The following PTAFR variants were observed in gnomAD, a reference collection of about 807,000 sequenced individuals.
PTAFR encodes platelet activating factor receptor.
In PTAFR, 8 loss-of-function variants were observed where a neutral mutation model predicts 14.7. The ratio of observed to expected loss-of-function variants is 0.54; its 90% CI spans 0.32 to 0.98. The LOEUF (loss-of-function observed/expected upper bound fraction) is 0.98. Among genes scored for constraint, PTAFR ranks in the 50% least tolerant of loss-of-function variants. The pLI, the probability that PTAFR is intolerant of heterozygous loss-of-function variation, is 0.04. For synonymous variants in PTAFR, 156 were observed against 176.5 expected (o/e 0.88, Z 0.92); for missense variants, 337 against 451.2 (o/e 0.75, Z 2.29).
In PTAFR at chr1:28,149,838, C is replaced by G; in HGVS notation, c.*155G>C. On this transcript the variant is annotated 3_prime_UTR_variant, in exon 2 of 2. Coordinates refer to ENST00000373857, the MANE Select transcript of PTAFR (RefSeq NM_000952.5). ...TTCTGGATTTTCCAACAGCCTGGCT[C>G]TGCCATCATCCCTGCCCAGGTGAGG... 1 of 1,006,464 alleles carries G rather than the reference C, an allele frequency of 9.9e-7. No homozygotes were observed. 62.3% of individuals were successfully genotyped at this position (1,006,464 alleles called of 1,614,324 possible).
chr1:28,150,656 G>A lies in PTAFR; in HGVS notation c.366C>T (p.Pro122=), dbSNP rs1170140764. 1.2e-6 allele frequency: 2 copies of A among 1,614,144 alleles called. No homozygotes were observed. Among genetic ancestry groups the A allele is most frequent in the Non-Finnish European group, 1.7e-6 (2 of 1,180,036 alleles). The change falls in exon 2 of 2, where the codon CCC becomes CCT. Residue 122 remains proline (P), a synonymous_variant. Coordinates refer to ENST00000373857, the MANE Select transcript of PTAFR (RefSeq NM_000952.5). This position sits in a 1 kb window ranked among gnomAD's most constrained non-coding sequence, Gnocchi z 6.3. ...GGGTGTTGGCCTGAGCAGTCTTGAT[G>A]GGCCGAGTTACTGCCTGGAAGCGGT... The part of the protein sequence containing the change: ...TYNRFQAVTR[P]IKTAQANTRK...
rs1289082342 is a variant in PTAFR, at chr1:28,150,218, G to T, written c.804C>A (p.His268Gln). Residue 268 changes from histidine (H) to glutamine (Q), a missense_variant, in exon 2 of 2, where the codon CAC becomes CAA. His to Gln is a conservative substitution (Grantham distance 24). Transcript: ENST00000373857. This position sits in a 1 kb window ranked among gnomAD's most constrained non-coding sequence, Gnocchi z 6.3. ...CCTGATGTGCATCATTAATGGCCTGGTGGAATTTGCTGTCCTGGAAGCCCA... is the reference window on the plus strand; with the variant it reads ...CCTGATGTGCATCATTAATGGCCTGTTGGAATTTGCTGTCCTGGAAGCCCA... ...AELGFQDSKF[H>Q]QAINDAHQVT... 2 of 1,613,674 alleles carry T rather than the reference G, an allele frequency of 1.2e-6. No individual in the cohort carries two copies. The highest frequency in any genetic ancestry group is 2.7e-5 in the African/African-American group (2 of 74,924).
At chr1:28,186,378 C>T (rs772586201) in intron 1 of PTAFR, among the ~76,000 whole-genome samples, 1 of 152,036 alleles carries the variant, frequency 6.6e-6, no homozygotes, top group Non-Finnish European at 1.5e-5. Flanking sequence ...TATATTCATG[C>T]ATGAGACTGT....
chr1:28,173,687 G>A (rs1646479091), intron 1 of PTAFR, among the ~76,000 whole-genome samples: 1 of 150,826 alleles, frequency 6.6e-6, no homozygotes, highest in African/African-American at 2.4e-5. Context: ...GGCGGGGTAT[G>A]CACAAATTTG....
At chr1:28,161,601 T>C (rs142431269) in intron 1 of PTAFR, among the ~76,000 whole-genome samples, 1,788 of 152,152 alleles carry the variant, frequency 0.012, 48 homozygotes, top group African/African-American at 0.04. Context: ...CCTGATTTAG[T>C]CTCCCAAAGT....
At chr1:28,167,282 T>C (rs1254161173) in intron 1 of PTAFR, among the ~76,000 whole-genome samples, 1 of 152,024 alleles carries the variant, frequency 6.6e-6, no homozygotes, top group African/African-American at 2.4e-5. Context: ...AAATTCAATT[T>C]AAAAAATGGG....
At chr1:28,176,272 G>C (rs557605152) in intron 1 of PTAFR, among the ~76,000 whole-genome samples, 1 of 151,590 alleles carries the variant, frequency 6.6e-6, no homozygotes, top group African/African-American at 2.4e-5. Flanking sequence ...GCAAGACCTC[G>C]TCTCCACAAA....
chr1:28,176,387 G>A (rs1164173594), intron 1 of PTAFR, among the ~76,000 whole-genome samples: 6 of 145,194 alleles, frequency 4.1e-5, no homozygotes, highest in South Asian at 2.1e-4. Flanking sequence ...AGGCTGCAGC[G>A]AGCCATGATC....
At chr1:28,164,866 T>C (rs1646364596) in intron 1 of PTAFR, among the ~76,000 whole-genome samples, 1 of 152,100 alleles carries the variant, frequency 6.6e-6, no homozygotes, top group Non-Finnish European at 1.5e-5. Flanking sequence ...TTACCTTTGT[T>C]CCTCAAAGCT....
intron 1 of PTAFR, among the ~76,000 whole-genome samples, chr1:28,161,122 C>G (rs1441494707): frequency 6.6e-6 from 1 of 152,190 alleles, no homozygotes; most frequent in Non-Finnish European, 1.5e-5. Flanking sequence ...GACCTCATTT[C>G]CTCCAAGTAG....
At chr1:28,192,327 A>G (rs1322511132) in intron 1 of PTAFR, among the ~76,000 whole-genome samples, 2 of 152,028 alleles carry the variant, frequency 1.3e-5, no homozygotes, top group Non-Finnish European at 2.9e-5. Flanking sequence ...TGGGAGACCG[A>G]GGCGGGTGGA....
At chr1:28,180,088 C>A (rs1211575097), upstream of PTAFR, among the ~76,000 whole-genome samples, 3 of 152,108 alleles carry the variant, frequency 2.0e-5, no homozygotes, top group Non-Finnish European at 4.4e-5. Flanking sequence ...GCGGAAGGAT[C>A]CCCTGAGCCC....
chr1:28,148,679 G>A lies in PTAFR; in HGVS notation c.*1314C>T, dbSNP rs575127716. 1.3e-5 allele frequency: 2 copies of A among 152,384 alleles called. No individual in the cohort carries two copies. The highest frequency in any genetic ancestry group is 1.3e-4 in the Admixed American group (2 of 15,282). The allele number at this position is 152,384 out of a possible 1,614,324, so 9.4% of individuals were successfully genotyped here. On this transcript the variant is annotated 3_prime_UTR_variant, in exon 2 of 2. Transcript: ENST00000373857. ...GGGTTTTACCATATTGGTCAGGCTG[G>A]TCTCAAACTCCTAACTTCAAATGAT...
Position 28,150,446 on chromosome 1 carries a change from C to T in PTAFR, c.576G>A (p.Val192=). The T allele has an allele frequency of 6.2e-7, 1 of 1,614,160 alleles. No individual in the cohort carries two copies. The highest frequency in any genetic ancestry group is 1.3e-5 in the African/African-American group (1 of 75,062). The change falls in exon 2 of 2, where the codon GTG becomes GTA. Residue 192 remains valine, a synonymous_variant. Coordinates refer to ENST00000373857, the MANE Select transcript of PTAFR (RefSeq NM_000952.5). This position sits in a 1 kb window ranked among gnomAD's most constrained non-coding sequence, Gnocchi z 6.3. ...VPVLIIHIFI[V]FSFFLVFLII... Reference sequence around the variant, plus strand: ...TGAGGAAGACCAGGAAGAAGCTGAACACGATGAAGATGTGGATGATGAGGA... The same window carrying T: ...TGAGGAAGACCAGGAAGAAGCTGAATACGATGAAGATGTGGATGATGAGGA...
At chr1:28,187,424 G>A (rs1646615843) in intron 1 of PTAFR, among the ~76,000 whole-genome samples, 1 of 151,988 alleles carries the variant, frequency 6.6e-6, no homozygotes, top group Non-Finnish European at 1.5e-5. Flanking sequence ...AATTCCAAAT[G>A]GAATAACAAC....
intron 1 of PTAFR, among the ~76,000 whole-genome samples, chr1:28,161,107 G>A (rs1557688644): frequency 6.6e-6 from 1 of 152,090 alleles, no homozygotes; most frequent in Non-Finnish European, 1.5e-5. Flanking sequence ...CTTTAAGATT[G>A]CTCAGACCTC....
At chr1:28,178,965 C>A (rs1229899752), upstream of PTAFR, among the ~76,000 whole-genome samples, 1 of 151,252 alleles carries the variant, frequency 6.6e-6, no homozygotes. Flanking sequence ...CCAGCCTGGG[C>A]AATATAGTGA....
chr1:28,187,539 C>T (rs995904360), intron 1 of PTAFR, among the ~76,000 whole-genome samples: 1 of 152,122 alleles, frequency 6.6e-6, no homozygotes, highest in African/African-American at 2.4e-5. Flanking sequence ...CAGAGTCTCG[C>T]TCGTCACCCA....
intron 1 of PTAFR, among the ~76,000 whole-genome samples, chr1:28,186,411 C>A (rs575443460): frequency 6.6e-6 from 1 of 152,116 alleles, no homozygotes; most frequent in Admixed American, 6.6e-5. Context: ...AATACAAATT[C>A]TTTCCAATTT....
Sources: allele counts gnomAD v4.1 joint callset (sites outside exome capture counted in the v4.1 genomes callset), GRCh38; gene constraint gnomAD v4.1.1; non-coding constraint Gnocchi (gnomAD v3.1); transcripts MANE v1.5; gene names NCBI Gene and HGNC (gene_info 2026-07-23, HGNC 2026-07-21).